Variants in ACAD11 observed in about 807,000 individuals in gnomAD.
ACAD11 encodes acyl-Coenzyme A dehydrogenase family, member 11.
ACAD11 carries 83 observed loss-of-function variants against 102.2 expected under a neutral mutation model. The ratio of observed to expected loss-of-function variants is 0.81; its 90% CI spans 0.68 to 0.97. The LOEUF is 0.97. Among genes scored for constraint, ACAD11 ranks in the 50% least tolerant of loss-of-function variants. ACAD11 has a pLI of 0.00. For synonymous variants in ACAD11, 324 were observed against 319.8 expected (o/e 1.01, Z -0.14); for missense variants, 901 against 951.7 (o/e 0.95, Z 0.70).
intron 13 of ACAD11, among the ~76,000 whole-genome samples, chr3:132,595,061 G>A (rs1014758755): frequency 6.6e-6 from 1 of 152,184 alleles, no homozygotes; most frequent in Non-Finnish European, 1.5e-5. Context: ...ATGATATGGT[G>A]CATTAGAACA....
At chr3:132,565,304 T>C (rs937489805) in intron 17 of ACAD11, among the ~76,000 whole-genome samples, 2 of 152,108 alleles carry the variant, frequency 1.3e-5, no homozygotes, top group Non-Finnish European at 2.9e-5. Context: ...CCCCAACCCA[T>C]CTTATGGGTT....
intron 17 of ACAD11, among the ~76,000 whole-genome samples, chr3:132,574,753 G>A (rs963568545): frequency 6.6e-6 from 1 of 152,344 alleles, no homozygotes; most frequent in African/African-American, 2.4e-5. Context: ...GGGAGATGAT[G>A]TGGATATCCT....
At chr3:132,616,175 T>A (rs1939401878) in intron 11 of ACAD11, among the ~76,000 whole-genome samples, 1 of 152,218 alleles carries the variant, frequency 6.6e-6, no homozygotes, top group Non-Finnish European at 1.5e-5. Flanking sequence ...ACACAACTTG[T>A]TTGCTTAGAA....
chr3:132,603,052 C>G (rs1938683896), intron 13 of ACAD11, among the ~76,000 whole-genome samples, 177 bp downstream of exon 13: 1 of 152,166 alleles, frequency 6.6e-6, no homozygotes, highest in Non-Finnish European at 1.5e-5. Context: ...ATCCACCTGC[C>G]TCAGCCTCCC....
chr3:132,602,156 G>T (rs1576579819), intron 13 of ACAD11: 1 of 164,638 alleles, frequency 6.1e-6, no homozygotes, highest in African/African-American at 2.5e-5. Context: ...AAATTTGTAA[G>T]TAATTTTATA....
At position 132,580,650 on chromosome 3, in the gene ACAD11, T is replaced by A. The variant is rs1937584696; in HGVS notation, c.1622-1092A>T. Among the ~76,000 whole-genome samples the A allele has an allele frequency of 2.0e-5, 3 of 152,032 alleles. No homozygotes were observed. In the South Asian group the frequency reaches 6.2e-4, roughly 31 times the overall value. ...TATTAAGTAATTTTAGGTGTGCTAA[T>A]GGTATTGTGGTTACATTTTTTAAAG... On this transcript the variant is annotated intron_variant, in intron 13 of 19. Coordinates refer to ENST00000264990, the MANE Select transcript of ACAD11 (RefSeq NM_032169.5).
intron 4 of ACAD11, among the ~76,000 whole-genome samples, chr3:132,641,692 GGAAGAGGAAGAAGAA>G (rs1259245355): frequency 3.9e-4 from 49 of 126,080 alleles, no homozygotes; most frequent in Middle Eastern, 4.2e-3. Flanking sequence ...AAGAGGAAGA[GGAAGAGGAAGAAGAA>G]GAAGAAGAAG....
At chr3:132,654,329 T>C (rs1214389264) in intron 1 of ACAD11, 1 of 152,214 alleles carries the variant, frequency 6.6e-6, no homozygotes, top group Non-Finnish European at 1.5e-5. Flanking sequence ...TATGCACTGA[T>C]ATATAATTAT....
At chr3:132,588,227 A>G (rs1937930263) in intron 13 of ACAD11, among the ~76,000 whole-genome samples, 1 of 152,098 alleles carries the variant, frequency 6.6e-6, no homozygotes, top group Non-Finnish European at 1.5e-5. Context: ...GTATGTATGC[A>G]TGTAGGTATT....
chr3:132,590,767 G>A (rs1034771192), intron 13 of ACAD11, among the ~76,000 whole-genome samples: 3 of 152,172 alleles, frequency 2.0e-5, no homozygotes, highest in African/African-American at 7.2e-5. Context: ...CAGTGATATT[G>A]AGGTTTCTTT....
chr3:132,603,530 T>C (rs188981498), intron 12 of ACAD11, among the ~76,000 whole-genome samples: 1 of 152,372 alleles, frequency 6.6e-6, no homozygotes, highest in East Asian at 1.9e-4. Context: ...TGAAGTATAC[T>C]GAACATTGGG....
At chr3:132,597,397 T>A (rs1319718725) in intron 13 of ACAD11, 1 of 151,392 alleles carries the variant, frequency 6.6e-6, no homozygotes, top group Non-Finnish European at 1.5e-5. Context: ...TATTTACTTA[T>A]ATAGATGGAG....
chr3:132,631,499 G>T lies in ACAD11; in HGVS notation c.703-20C>A. ...TCGACACTGTAATTAAAAATAAAGA[G>T]GTCTGTAACACATTAAAACTTAAAA... On this transcript the variant is annotated intron_variant, in intron 5 of 19. Transcript: ENST00000264990. 7.1e-7 allele frequency: 1 copy of T among 1,414,980 alleles called. No homozygotes were observed. Among genetic ancestry groups the T allele is most frequent in the Non-Finnish European group, 9.3e-7 (1 of 1,074,178 alleles). The allele number at this position is 1,414,980 out of a possible 1,614,324, so 87.7% of individuals were successfully genotyped here. A position where few individuals can be genotyped will look rare whatever the true frequency, so the allele number is the denominator to read the frequency against.
chr3:132,635,780 A>T (rs1471205843), intron 5 of ACAD11, among the ~76,000 whole-genome samples: 3 of 152,136 alleles, frequency 2.0e-5, no homozygotes, highest in Non-Finnish European at 4.4e-5. Context: ...AAACTTTGCC[A>T]TTGTTACTGT....
chr3:132,643,685 G>T (rs1160273601), intron 2 of ACAD11, among the ~76,000 whole-genome samples: 2 of 152,138 alleles, frequency 1.3e-5, no homozygotes, highest in Non-Finnish European at 2.9e-5. Flanking sequence ...CAGTACCAAG[G>T]GCTGTGGAAA....
intron 11 of ACAD11, among the ~76,000 whole-genome samples, chr3:132,606,312 C>T (rs1938835304): frequency 6.6e-6 from 1 of 152,168 alleles, no homozygotes; most frequent in Non-Finnish European, 1.5e-5. Flanking sequence ...ATTAACACAG[C>T]TTAACATTCT....
chr3:132,570,780 C>T (rs554523523), intron 17 of ACAD11, among the ~76,000 whole-genome samples: 1 of 152,162 alleles, frequency 6.6e-6, no homozygotes, highest in East Asian at 1.9e-4. Context: ...TCTGTTCCTG[C>T]GTTAGTTGGC....
At chr3:132,606,402 ACT>A (rs1385233768) in intron 11 of ACAD11, among the ~76,000 whole-genome samples, 1 of 152,180 alleles carries the variant, frequency 6.6e-6, no homozygotes, top group African/African-American at 2.4e-5. Flanking sequence ...TTTTAAATTC[ACT>A]GTTACTTGTT....
intron 1 of ACAD11, among the ~76,000 whole-genome samples, chr3:132,651,844 C>T (rs1940942255): frequency 6.6e-6 from 1 of 152,196 alleles, no homozygotes; most frequent in Non-Finnish European, 1.5e-5. Flanking sequence ...GTATATTTAC[C>T]TAATGCCTGT....
Sources: gnomAD v4.1 joint callset for allele counts (sites outside exome capture counted in the v4.1 genomes callset) on GRCh38, gnomAD v4.1.1 for gene constraint, MANE v1.5 for transcripts, NCBI Gene and HGNC (gene_info 2026-07-23, HGNC 2026-07-21) for gene names.